Variants in TECTB observed in about 807,000 individuals in gnomAD.
TECTB encodes beta-tectorin.
A neutral mutation model predicts 43.3 loss-of-function variants in TECTB; 45 were observed. The ratio of observed to expected loss-of-function variants is 1.04; its 90% confidence interval spans 0.82 to 1.33. The LOEUF (loss-of-function observed/expected upper bound fraction) is 1.33, where lower values mean the gene tolerates loss of function less well. Ranked by LOEUF, TECTB falls within the 40% of genes most tolerant of loss-of-function variation. The pLI, the probability that TECTB is intolerant of heterozygous loss-of-function variation, is 0.00. For missense variants in TECTB, 399 were observed against 404.7 expected (o/e 0.99, Z 0.12); for synonymous variants, 169 against 156.7 (o/e 1.08, Z -0.59).
intron 7 of TECTB, among the ~76,000 whole-genome samples, chr10:112,297,310 G>A (rs1344194706): frequency 2.0e-5 from 3 of 152,078 alleles, no homozygotes; most frequent in Non-Finnish European, 2.9e-5. Context: ...GACCAAGCGA[G>A]AACCACTAGC....
At chr10:112,292,008 C>T (rs1351540544) in intron 5 of TECTB, among the ~76,000 whole-genome samples, 1 of 151,970 alleles carries the variant, frequency 6.6e-6, no homozygotes, top group Non-Finnish European at 1.5e-5. Flanking sequence ...TGGTGGCAGG[C>T]ACCTGTAGTC....
In TECTB at chr10:112,298,494, G is replaced by T. The variant is rs1292138614; in HGVS notation, c.834+263G>T. ...GCTTTCTCATCCTTAAGCAAAGTGT[G>T]TTAAGTAATGATGGCCCTTCCCTCA... On this transcript the variant is annotated intron_variant, in intron 8 of 10. Coordinates refer to ENST00000646139, the MANE Select transcript of TECTB (RefSeq NM_058222.3). 3.9e-5 allele frequency among the ~76,000 whole-genome samples: 6 copies of T among 152,198 alleles called. No homozygotes were observed. In the East Asian group the frequency reaches 1.2e-3, roughly 29 times the overall value.
intron 9 of TECTB, 72 bp downstream of exon 9, chr10:112,299,636 G>A (rs768295556): frequency 7.3e-5 from 112 of 1,544,426 alleles, no homozygotes; most frequent in Non-Finnish European, 8.6e-5. Flanking sequence ...AGGCACAGCC[G>A]GTTTGAGCAT....
chr10:112,302,096 T>A lies in TECTB; in HGVS notation c.908-5T>A. ...CTTTCTGCATTCTCTCTTTACTCAC[T>A]ACAGGCAGGGGATTTTCCAGTCTCT... On this transcript the variant is annotated splice_polypyrimidine_tract_variant and splice_region_variant and intron_variant, in intron 9 of 10. Transcript: ENST00000646139. 6.2e-7 allele frequency: 1 copy of A among 1,614,010 alleles called. No homozygotes were observed.
chr10:112,298,000 A>T, intron 7 of TECTB, 69 bp from the exon 8 acceptor site: 1 of 1,605,940 alleles, frequency 6.2e-7, no homozygotes, highest in Non-Finnish European at 8.5e-7. Context: ...CTTGTGTGTA[A>T]ATCGCTCAGC....
intron 5 of TECTB, 84 bp from the exon 6 acceptor site, chr10:112,293,654 C>G: frequency 4.1e-6 from 5 of 1,229,094 alleles, no homozygotes; most frequent in Non-Finnish European, 3.6e-6. Flanking sequence ...CTCATCCCCA[C>G]CCCATCCCAA....
chr10:112,296,679 T>A (rs1848549311), intron 7 of TECTB, among the ~76,000 whole-genome samples: 1 of 152,100 alleles, frequency 6.6e-6, no homozygotes, highest in South Asian at 2.1e-4. Context: ...GATACAAAGG[T>A]ACAGCATTCC....
At chr10:112,295,117 C>T (rs1294292819) in intron 7 of TECTB, among the ~76,000 whole-genome samples, 3 of 152,156 alleles carry the variant, frequency 2.0e-5, no homozygotes, top group East Asian at 1.9e-4. Flanking sequence ...GGACATCATA[C>T]ACATAATTAG....
At chr10:112,283,524 C>A (rs1007479383) in intron 1 of TECTB, 28 bp downstream of exon 1, 1 of 565,444 alleles carries the variant, frequency 1.8e-6, no homozygotes, top group East Asian at 3.0e-5. Context: ...TGCCTCTCAG[C>A]GCTAACAGGA....
chr10:112,295,360 TA>T (rs1361173828), intron 7 of TECTB, among the ~76,000 whole-genome samples: 2 of 152,240 alleles, frequency 1.3e-5, no homozygotes, highest in Non-Finnish European at 2.9e-5. Context: ...TTAATTTATC[TA>T]AATGTCATTA....
intron 8 of TECTB, among the ~76,000 whole-genome samples, chr10:112,298,634 C>G (rs1423884072): frequency 6.6e-6 from 1 of 152,174 alleles, no homozygotes; most frequent in Non-Finnish European, 1.5e-5. Context: ...GTGGAAATAA[C>G]TCAAAAGGTG....
chr10:112,286,479 C>A, intron 5 of TECTB, 88 bp downstream of exon 5: 1 of 1,394,734 alleles, frequency 7.2e-7, no homozygotes, highest in South Asian at 1.3e-5. Context: ...CAGTCTTCCC[C>A]AAGCTCTGTG....
Position 112,293,784 on chromosome 10 carries a change from C to T in TECTB, c.530C>T (p.Ala177Val), listed in dbSNP as rs775564759. 2.8e-5 allele frequency: 46 copies of T among 1,614,046 alleles called. No individual in the cohort carries two copies. The South Asian group carries it at 4.6e-4, about 16-fold the overall frequency. The change falls in exon 6 of 11, where the codon GCA becomes GTA. Residue 177 changes from alanine (A) to valine (V), a missense_variant. Coordinates refer to ENST00000646139, the MANE Select transcript of TECTB (RefSeq NM_058222.3). ...IKKEAPFVLEASEIGSDLFAG... is the reference protein window; with the variant it reads ...IKKEAPFVLEVSEIGSDLFAG... The stretch of plus-strand genomic sequence containing the variant: ...AAAGAAGCTCCCTTTGTCCTGGAGG[C>T]ATCCGAAATCGGTTCAGATCTGTTT...
At chr10:112,286,493 A>G in intron 5 of TECTB, 102 bp downstream of exon 5, 1 of 1,241,628 alleles carries the variant, frequency 8.1e-7, no homozygotes, top group South Asian at 1.5e-5. Context: ...CTCTGTGCAG[A>G]GCCCCATTCT....
intron 2 of TECTB, 115 bp from the exon 3 acceptor site, chr10:112,284,420 G>C: frequency 3.0e-6 from 3 of 1,002,212 alleles, no homozygotes; most frequent in Non-Finnish European, 4.0e-6. Context: ...TAGCAGGGAA[G>C]GTGTTTTTAA....
chr10:112,300,784 A>T (rs1848604730), intron 9 of TECTB, among the ~76,000 whole-genome samples: 1 of 152,226 alleles, frequency 6.6e-6, no homozygotes, highest in Non-Finnish European at 1.5e-5. Flanking sequence ...TCCAAAAAAA[A>T]ATCTGAAATC....
In TECTB at chr10:112,300,279, A is replaced by AAAGAAAGGAAAGAAAG. The variant is rs1361291056; in HGVS notation, c.907+717_907+718insGAAAGGAAAGAAAGAA. On this transcript the variant is annotated intron_variant, in intron 9 of 10. Transcript: ENST00000646139. ...GAAAGAAAGAAAGAAAGAAAGAAAG[A>AAAGAAAGGAAAGAAAG]AAAGAAAGAAAGAAAGAAAGAAAGA... Among the ~76,000 whole-genome samples the AAAGAAAGGAAAGAAAG allele has an allele frequency of 2.3e-3, 113 of 48,394 alleles. 4 individuals are homozygous for AAAGAAAGGAAAGAAAG. Among genetic ancestry groups the AAAGAAAGGAAAGAAAG allele is most frequent in the African/African-American group, 3.2e-3 (36 of 11,238 alleles). 31.7% of individuals were successfully genotyped at this position (48,394 alleles called of 152,430 possible).
At position 112,289,146 on chromosome 10, in the gene TECTB, G is replaced by C. The variant is rs1432968399; in HGVS notation, c.483+2755G>C. Reference sequence around the variant, plus strand: ...TAGGAAGCACTTAGCACAGTGCCTGGTACAAGTTAAGTACCCAAGAAAGTA... The same window carrying C: ...TAGGAAGCACTTAGCACAGTGCCTGCTACAAGTTAAGTACCCAAGAAAGTA... On this transcript the variant is annotated intron_variant, in intron 5 of 10. Transcript: ENST00000646139. Among the ~76,000 whole-genome samples the C allele has an allele frequency of 1.4e-4, 21 of 152,132 alleles. 1 individual carries two copies. Among genetic ancestry groups the C allele is most frequent in the Admixed American group, 1.3e-3 (20 of 15,266 alleles).
intron 5 of TECTB, among the ~76,000 whole-genome samples, chr10:112,292,989 C>T (rs117973921): frequency 1.3e-5 from 2 of 152,306 alleles, no homozygotes; most frequent in East Asian, 3.9e-4. Context: ...TGAGGCCTCC[C>T]CAACCACTGT....
Sources: allele counts gnomAD v4.1 joint callset (sites outside exome capture counted in the v4.1 genomes callset), GRCh38; gene constraint gnomAD v4.1.1; transcripts MANE v1.5; gene names NCBI Gene and HGNC (gene_info 2026-07-23, HGNC 2026-07-21).